PITPNC1: variants seen among roughly 807,000 people sequenced by gnomAD.
PITPNC1 encodes phosphatidylinositol transfer protein cytoplasmic 1.
Under a neutral mutation model 44.7 loss-of-function variants are expected in PITPNC1, and 18 were observed. The ratio of observed to expected loss-of-function variants is 0.40; its 90% CI spans 0.28 to 0.60. The LOEUF (loss-of-function observed/expected upper bound fraction) is 0.60, where lower values mean the gene tolerates loss of function less well. Among genes scored for constraint, PITPNC1 ranks in the 20% least tolerant of loss-of-function variants. The pLI is 0.39. For synonymous variants in PITPNC1, 141 were observed against 149.6 expected, an observed-to-expected ratio of 0.94 and a Z score of 0.42; for missense variants, 290 against 418.4, an observed-to-expected ratio of 0.69 and a Z score of 2.68.
At chr17:67,683,229 G>C (rs1377940663) in intron 8 of PITPNC1, among the ~76,000 whole-genome samples, 5 of 146,038 alleles carry the variant, frequency 3.4e-5, no homozygotes, top group Admixed American at 1.4e-4. Context: ...AAGCAAAGAA[G>C]TCTGAACCTA....
chr17:67,431,693 T>C (rs184634957), intron 1 of PITPNC1, among the ~76,000 whole-genome samples: 13 of 152,292 alleles, frequency 8.5e-5, no homozygotes, highest in South Asian at 8.3e-4. Context: ...AATACTAATA[T>C]AGACTTTCCC....
At chr17:67,482,747 A>T (rs1188711502) in intron 1 of PITPNC1, among the ~76,000 whole-genome samples, 1 of 152,232 alleles carries the variant, frequency 6.6e-6, no homozygotes, top group Non-Finnish European at 1.5e-5. Flanking sequence ...ATTATTGCAA[A>T]TAAGGCCCAG....
intron 1 of PITPNC1, among the ~76,000 whole-genome samples, chr17:67,448,194 G>T (rs368831468): frequency 6.6e-6 from 1 of 151,910 alleles, no homozygotes; most frequent in Non-Finnish European, 1.5e-5. Context: ...TGATCCGCCC[G>T]CCTTGGCCTC....
intron 4 of PITPNC1, among the ~76,000 whole-genome samples, chr17:67,575,776 T>C: frequency 9.7e-6 from 1 of 103,416 alleles, no homozygotes; most frequent in African/African-American, 3.8e-5. Flanking sequence ...TTTCTTTCTT[T>C]CTTTCTTTTC....
In PITPNC1 at chr17:67,460,170, T is replaced by C. The variant is rs80041202; in HGVS notation, c.49-72632T>C. ...GCAGGTATTCTGCACCCAGAATTGTTTGTCAAAGTGAGTGCTCATTGATTT... is the reference window on the plus strand; with the variant it reads ...GCAGGTATTCTGCACCCAGAATTGTCTGTCAAAGTGAGTGCTCATTGATTT... On this transcript the variant is annotated intron_variant, in intron 1 of 8. Transcript: ENST00000581322. Among the ~76,000 whole-genome samples, 1,311 of 152,296 alleles carry C rather than the reference T, an allele frequency of 8.6e-3. 12 individuals are homozygous for C. Among genetic ancestry groups the C allele is most frequent in the Non-Finnish European group, 0.012 (815 of 68,030 alleles).
chr17:67,421,221 T>C (rs1357236917), intron 1 of PITPNC1, among the ~76,000 whole-genome samples: 1 of 152,184 alleles, frequency 6.6e-6, no homozygotes, highest in Non-Finnish European at 1.5e-5. Flanking sequence ...ACAGCTCATA[T>C]AGAAGACGGA....
chr17:67,561,975 G>A (rs984685832), intron 4 of PITPNC1, among the ~76,000 whole-genome samples: 1 of 152,138 alleles, frequency 6.6e-6, no homozygotes, highest in African/African-American at 2.4e-5. Context: ...TGCCATTATA[G>A]TATGTAGATA....
At chr17:67,582,936 G>A (rs547420945) in intron 5 of PITPNC1, among the ~76,000 whole-genome samples, 1 of 152,304 alleles carries the variant, frequency 6.6e-6, no homozygotes, top group East Asian at 1.9e-4. Flanking sequence ...TGGGGTTAAT[G>A]GGGGCAGCCT....
At chr17:67,661,988 C>T (rs1487931630) in intron 6 of PITPNC1, among the ~76,000 whole-genome samples, 1 of 132,728 alleles carries the variant, frequency 7.5e-6, no homozygotes, top group Non-Finnish European at 1.5e-5. Context: ...AAGTGCGACT[C>T]CATCTCATAA....
chr17:67,604,839 G>A (rs2041588535), intron 5 of PITPNC1, among the ~76,000 whole-genome samples: 1 of 151,906 alleles, frequency 6.6e-6, no homozygotes, highest in African/African-American at 2.4e-5. Context: ...CAGCACTTTG[G>A]GAGGCTGAGG....
At chr17:67,507,158 T>A (rs535082506) in intron 1 of PITPNC1, among the ~76,000 whole-genome samples, 3 of 152,236 alleles carry the variant, frequency 2.0e-5, no homozygotes, top group Admixed American at 2.0e-4. Context: ...GAGTAAAATA[T>A]TCATAGATGA....
chr17:67,521,565 CT>C (rs371948283), intron 1 of PITPNC1, among the ~76,000 whole-genome samples: 47 of 148,372 alleles, frequency 3.2e-4, no homozygotes, highest in Non-Finnish European at 4.2e-4. Flanking sequence ...AACTTTACAC[CT>C]TTTTTTTTTG....
At chr17:67,559,333 C>T (rs1231689641) in intron 4 of PITPNC1, among the ~76,000 whole-genome samples, 1 of 152,174 alleles carries the variant, frequency 6.6e-6, no homozygotes, top group African/African-American at 2.4e-5. Flanking sequence ...GCTATCTCAT[C>T]TACGATGTAA....
chr17:67,551,066 A>T (rs1968460), intron 2 of PITPNC1, among the ~76,000 whole-genome samples: 4,185 of 152,040 alleles, frequency 0.028, 85 homozygotes, highest in Middle Eastern at 0.065. Flanking sequence ...GTGTCAAAAC[A>T]AAACAAAACA....
At chr17:67,429,590 C>T (rs1426546168) in intron 1 of PITPNC1, among the ~76,000 whole-genome samples, 1 of 151,774 alleles carries the variant, frequency 6.6e-6, no homozygotes, top group Non-Finnish European at 1.5e-5. Flanking sequence ...CGTAGCTACT[C>T]AGGAGGCTGA....
intron 5 of PITPNC1, among the ~76,000 whole-genome samples, chr17:67,589,002 T>C (rs1042899106): frequency 3.9e-5 from 6 of 152,234 alleles, no homozygotes; most frequent in Non-Finnish European, 2.9e-5. Context: ...CTCTAATAAG[T>C]CAGCACCTGT....
Position 67,508,714 on chromosome 17 carries a change from C to G in PITPNC1, c.49-24088C>G, listed in dbSNP as rs2916143. Among the ~76,000 whole-genome samples the G allele has an allele frequency of 0.2, 30,705 of 151,958 alleles. 3,719 individuals carry two copies. The highest frequency in any genetic ancestry group is 0.34 in the African/African-American group (14,223 of 41,420). On this transcript the variant is annotated intron_variant, in intron 1 of 8. Coordinates refer to ENST00000581322, the MANE Select transcript of PITPNC1 (RefSeq NM_012417.4). This position sits in a 1 kb window ranked among gnomAD's most constrained non-coding sequence, Gnocchi z 4.2. ...GACAAATACTTAGCTGAGGTACCTT[C>G]AAGAGGCAAATTCATAGAGTCAGAA...
chr17:67,677,982 G>A (rs1188844331), intron 8 of PITPNC1, among the ~76,000 whole-genome samples: 1 of 152,064 alleles, frequency 6.6e-6, no homozygotes, highest in East Asian at 1.9e-4. Context: ...GGAAGCCTAG[G>A]ATGGAGGATC....
chr17:67,598,437 C>T (rs965916337), intron 5 of PITPNC1, among the ~76,000 whole-genome samples: 5 of 152,134 alleles, frequency 3.3e-5, no homozygotes, highest in African/African-American at 1.2e-4. Context: ...CCCTCACCCC[C>T]AAATTCCTAT....
Sources: allele counts gnomAD v4.1 joint callset (sites outside exome capture counted in the v4.1 genomes callset), GRCh38; gene constraint gnomAD v4.1.1; non-coding constraint Gnocchi (gnomAD v3.1); transcripts MANE v1.5; gene names NCBI Gene and HGNC (gene_info 2026-07-23, HGNC 2026-07-21).